Variants in STX6 observed in about 807,000 individuals in gnomAD.
STX6 encodes the protein syntaxin-6.
In STX6, 23 loss-of-function variants were observed where a neutral mutation model predicts 38.0. That is an observed-to-expected ratio of 0.60 (90% CI 0.43 to 0.86). The LOEUF (loss-of-function observed/expected upper bound fraction) is 0.86, where lower values mean the gene tolerates loss of function less well. STX6 is among the 40% of genes least tolerant of loss of function. The pLI is 0.00. For synonymous variants in STX6, 123 were observed against 107.5 expected, an observed-to-expected ratio of 1.14 and a Z score of -0.89; for missense variants, 274 against 312.9, an observed-to-expected ratio of 0.88 and a Z score of 0.94.
rs562641362 is a variant in STX6 at position 181,002,590 on chromosome 1, A to G, written c.300+16T>C. 2.5e-4 allele frequency: 397 copies of G among 1,574,122 alleles called. 7 individuals are homozygous for G. The South Asian group carries it at 4.1e-3, about 16-fold the overall frequency. On this transcript the variant is annotated intron_variant, in intron 3 of 7. Transcript: ENST00000258301. ...TATTTCTTATACAGATAACACAATA[A>G]GATCATATTCCTTACCCTGACAACT...
intron 1 of STX6, among the ~76,000 whole-genome samples, chr1:181,019,125 C>T (rs1442514819): frequency 6.6e-6 from 1 of 152,158 alleles, no homozygotes; most frequent in African/African-American, 2.4e-5. Flanking sequence ...GTATGCCTGG[C>T]ACTGGAGATG....
rs767825884 is a variant in STX6 at position 180,984,740 on chromosome 1, T to C, written c.628A>G (p.Ser210Gly). ...ACATTGTCCAGCCGGGACTGAGTGC[T>C]CTCCAATTCGTGAGAGAAATCTTCC... ...MLEDFSHELE[S>G]TQSRLDNVMK... The change falls in exon 7 of 8, where the codon AGC becomes GGC. Residue 210 changes from serine to glycine, a missense_variant. Coordinates refer to ENST00000258301, the MANE Select transcript of STX6 (RefSeq NM_005819.6). The C allele has an allele frequency of 9.4e-6, 15 of 1,595,198 alleles. No homozygotes were observed. In the South Asian group the frequency reaches 1.7e-4, roughly 18 times the overall value.
At chr1:181,021,116 GA>G (rs1281139774) in intron 1 of STX6, among the ~76,000 whole-genome samples, 2 of 150,162 alleles carry the variant, frequency 1.3e-5, no homozygotes, top group Non-Finnish European at 3.0e-5. Flanking sequence ...ATACCATCAA[GA>G]AAAAAAAATG....
At chr1:181,017,886 G>C (rs1351034683) in intron 1 of STX6, among the ~76,000 whole-genome samples, 1 of 152,058 alleles carries the variant, frequency 6.6e-6, no homozygotes, top group Non-Finnish European at 1.5e-5. Flanking sequence ...CTCTGAATTA[G>C]CAATTATGCT....
In STX6 at chr1:180,999,412, T is replaced by C. The variant is rs182461690; in HGVS notation, c.300+3194A>G. On this transcript the variant is annotated intron_variant, in intron 3 of 7. Coordinates refer to ENST00000258301, the MANE Select transcript of STX6 (RefSeq NM_005819.6). ...CACAAAAATTTCACATGTGGAATCT[T>C]TGATGTATAGGTGACTCCACAAGAG... 4.7e-3 allele frequency among the ~76,000 whole-genome samples: 723 copies of C among 152,324 alleles called. 3 individuals carry two copies. Among genetic ancestry groups the C allele is most frequent in the Non-Finnish European group, 7.6e-3 (516 of 68,034 alleles).
chr1:181,017,541 A>G (rs1656596833), intron 1 of STX6, among the ~76,000 whole-genome samples: 1 of 152,202 alleles, frequency 6.6e-6, no homozygotes, highest in Non-Finnish European at 1.5e-5. Flanking sequence ...GCTCAGTTAC[A>G]TGGTTTTCTT....
rs770850875 is a variant in STX6, at chr1:181,022,698, A to C, written c.-25T>G. ...TGGCGTCCCGGCCCCGGCCGCCTTC[A>C]CCTCCTCCGCGCACAGGGCGCCCGT... is the stretch of plus-strand genomic sequence containing the variant. On this transcript the variant is annotated 5_prime_UTR_variant, in exon 1 of 8. Transcript: ENST00000258301. 4.4e-6 allele frequency: 7 copies of C among 1,597,204 alleles called. No individual in the cohort carries two copies. Among genetic ancestry groups the C allele is most frequent in the Non-Finnish European group, 6.0e-6 (7 of 1,173,640 alleles).
chr1:181,016,959 C>T (rs1656575545), intron 1 of STX6, among the ~76,000 whole-genome samples: 1 of 151,978 alleles, frequency 6.6e-6, no homozygotes, highest in South Asian at 2.1e-4. Flanking sequence ...TGATGGCGGG[C>T]TACTCGGGAG....
chr1:180,999,901 C>T (rs984343876), intron 3 of STX6, among the ~76,000 whole-genome samples: 1 of 152,198 alleles, frequency 6.6e-6, no homozygotes, highest in Admixed American at 6.5e-5. Context: ...CTCTATCGAG[C>T]TCTTCCACCC....
At chr1:181,005,863 T>C (rs1223013088) in intron 1 of STX6, among the ~76,000 whole-genome samples, 5 of 152,196 alleles carry the variant, frequency 3.3e-5, no homozygotes, top group African/African-American at 1.2e-4. Flanking sequence ...AGTCCTAATA[T>C]GGCCTTTCTT....
rs942194647 is a variant in STX6 at position 180,974,725 on chromosome 1, A to C, written c.*1845T>G. The C allele has an allele frequency of 2.6e-5, 4 of 152,690 alleles. No homozygotes were observed. Among genetic ancestry groups the C allele is most frequent in the African/African-American group, 9.6e-5 (4 of 41,466 alleles). 9.5% of individuals were successfully genotyped at this position (152,690 alleles called of 1,614,324 possible). ...AGGATCATCCCCTTTCTTAGTTTAT[A>C]GAAGATTCAAACTTTGTAAAACATA... On this transcript the variant is annotated 3_prime_UTR_variant, in exon 8 of 8. Transcript: ENST00000258301.
At chr1:180,989,917 G>A (rs1347783336) in intron 5 of STX6, 67 bp downstream of exon 5, 2 of 1,587,764 alleles carry the variant, frequency 1.3e-6, no homozygotes, top group Admixed American at 1.7e-5. Flanking sequence ...CCCCATGGCT[G>A]GCAAAGGAAC....
chr1:181,017,029 G>A (rs928711651), intron 1 of STX6, among the ~76,000 whole-genome samples: 11 of 150,828 alleles, frequency 7.3e-5, no homozygotes, highest in Non-Finnish European at 1.0e-4. Context: ...GCCAAGACGC[G>A]CCACTGCACT....
At chr1:180,994,536 TG>T (rs1655844799) in intron 3 of STX6, among the ~76,000 whole-genome samples, 1 of 152,232 alleles carries the variant, frequency 6.6e-6, no homozygotes, top group African/African-American at 2.4e-5. Flanking sequence ...TTCCCCTGGA[TG>T]TCACTATGCT....
intron 7 of STX6, among the ~76,000 whole-genome samples, chr1:180,977,144 A>G (rs531140365): frequency 6.6e-6 from 1 of 152,360 alleles, no homozygotes; most frequent in South Asian, 2.1e-4. Flanking sequence ...CTCCAGTGAG[A>G]CAGCATGATT....
chr1:181,022,278 C>T (rs1353855597), intron 1 of STX6, among the ~76,000 whole-genome samples: 1 of 152,180 alleles, frequency 6.6e-6, no homozygotes, highest in Non-Finnish European at 1.5e-5. Flanking sequence ...TTCGCTCCTT[C>T]GAAGCAAGAT....
intron 1 of STX6, among the ~76,000 whole-genome samples, chr1:181,007,075 G>C (rs966584449): frequency 6.6e-6 from 1 of 152,198 alleles, no homozygotes; most frequent in Non-Finnish European, 1.5e-5. Context: ...ATTTAGTGGA[G>C]AAAGAGCTAT....
chr1:181,000,599 T>C (rs1311452056), intron 3 of STX6, among the ~76,000 whole-genome samples: 1 of 152,188 alleles, frequency 6.6e-6, no homozygotes, highest in African/African-American at 2.4e-5. Context: ...AGATGAGATT[T>C]TGGGTGGGGA....
At chr1:181,021,983 T>C (rs1656741066) in intron 1 of STX6, among the ~76,000 whole-genome samples, 1 of 152,214 alleles carries the variant, frequency 6.6e-6, no homozygotes. Flanking sequence ...TTTGTTTTCC[T>C]TCCAAATCAT....
Sources: allele counts gnomAD v4.1 joint callset (sites outside exome capture counted in the v4.1 genomes callset), GRCh38; gene constraint gnomAD v4.1.1; transcripts MANE v1.5; gene names NCBI Gene and HGNC (gene_info 2026-07-23, HGNC 2026-07-21).